Variants in RBM44 observed in about 807,000 individuals in gnomAD.
RBM44 encodes the protein RNA binding motif protein 44, also known as RNA-binding protein 44.
Under a neutral mutation model 105.1 loss-of-function variants are expected in RBM44, and 66 were observed. The observed-to-expected ratio is 0.63, with a 90% CI of 0.52 to 0.77. RBM44 has a LOEUF of 0.77. Among genes scored for constraint, RBM44 ranks in the 30% least tolerant of loss-of-function variants. The probability of loss-of-function intolerance (pLI) is 0.00; values close to 1 mark genes in which losing one functional copy is unlikely to be tolerated. For synonymous variants in RBM44, 365 were observed against 417.6 expected, an observed-to-expected ratio of 0.87 and a Z score of 1.54; for missense variants, 1,122 against 1,207.8, an observed-to-expected ratio of 0.93 and a Z score of 1.05.
At chr2:237,836,265 A>C (rs2061958551) in intron 15 of RBM44, among the ~76,000 whole-genome samples, 2 of 152,154 alleles carry the variant, frequency 1.3e-5, no homozygotes, top group Non-Finnish European at 1.5e-5. Context: ...GGAACAACAA[A>C]GCCTGGATGA....
At chr2:237,813,549 C>A (rs2061680801) in intron 1 of RBM44, 43 bp from the exon 2 acceptor site, 4 of 1,063,382 alleles carry the variant, frequency 3.8e-6, no homozygotes, top group Admixed American at 4.1e-5. Context: ...TCAATTTATG[C>A]TTTTTAAGTA....
At chr2:237,833,244 T>C (rs902809404) in intron 13 of RBM44, among the ~76,000 whole-genome samples, 2 of 152,198 alleles carry the variant, frequency 1.3e-5, no homozygotes, top group African/African-American at 2.4e-5. Flanking sequence ...AAGTGAAAGA[T>C]ACAATGTTCT....
At chr2:237,828,161 T>C (rs780429022) in intron 12 of RBM44, among the ~76,000 whole-genome samples, 1 of 152,186 alleles carries the variant, frequency 6.6e-6, no homozygotes, top group East Asian at 1.9e-4. Flanking sequence ...TTTGTGACAT[T>C]GCCAGATCAT....
intron 7 of RBM44, 125 bp downstream of exon 7, chr2:237,821,493 C>T (rs2061789516): frequency 4.8e-6 from 4 of 832,486 alleles, no homozygotes; most frequent in Non-Finnish European, 7.6e-6. Context: ...AAGTGTTTAT[C>T]TTTTTTCTTG....
Position 237,817,229 on chromosome 2 carries a change from G to T in RBM44, c.310G>T (p.Asp104Tyr). 2 of 1,604,536 alleles carry T rather than the reference G, an allele frequency of 1.2e-6. No individual in the cohort carries two copies. The highest frequency in any genetic ancestry group is 1.1e-5 in the South Asian group (1 of 89,914). The part of the protein sequence containing the change: ...FQSSELEDST[D>Y]YAFLNKTYSI... ...GTCAAGTGAACTTGAAGACAGTACT[G>T]ACTATGCTTTCTTGAATAAAACATA... The change falls in exon 3 of 16, where the codon GAC becomes TAC. Residue 104 changes from aspartate to tyrosine, a missense_variant. Around this residue, in one of 3 missense-constraint regions of RBM44, gnomAD observed 918 missense variants for 955.3 expected, o/e 0.96. Transcript: ENST00000316997.
rs2061772348 is a variant in RBM44 at position 237,820,371 on chromosome 2, C to G, written c.1913+20C>G. 1.4e-6 allele frequency: 2 copies of G among 1,446,680 alleles called. No individual in the cohort carries two copies. Among genetic ancestry groups the G allele is most frequent in the South Asian group, 2.6e-5 (2 of 77,262 alleles). The allele number at this position is 1,446,680 out of a possible 1,614,324, so 89.6% of individuals were successfully genotyped here. A position where few individuals can be genotyped will look rare whatever the true frequency, so the allele number is the denominator to read the frequency against. The stretch of plus-strand genomic sequence containing the variant: ...AAATATGTGTTTATTAATTTCAAAT[C>G]TGTTTTTTCTTAGAAATGTGTCACT... On this transcript the variant is annotated intron_variant, in intron 5 of 15. Transcript: ENST00000316997.
chr2:237,826,648 G>A (rs1040848310), intron 10 of RBM44, among the ~76,000 whole-genome samples: 30 of 152,148 alleles, frequency 2.0e-4, no homozygotes, highest in African/African-American at 7.2e-4. Flanking sequence ...AAGATCCTGT[G>A]TGTGTCCACT....
rs1365907059 is a variant in RBM44 at position 237,803,083 on chromosome 2, A to G, written c.-19+4222A>G. Among the ~76,000 whole-genome samples, 1 of 152,222 alleles carries G rather than the reference A, an allele frequency of 6.6e-6. No homozygotes were observed. The highest frequency in any genetic ancestry group is 1.5e-5 in the Non-Finnish European group (1 of 68,034). ...GGAGTTCAAGACCAACCTGGCCAAC[A>G]TGGTGAAACCCCATCTGTACTAAAA... On this transcript the variant is annotated intron_variant, in intron 1 of 15. Coordinates refer to ENST00000316997, the MANE Select transcript of RBM44 (RefSeq NM_001080504.3). The surrounding 1 kb of genome is among the most constrained non-coding windows in gnomAD (Gnocchi z 4.2).
In RBM44 at chr2:237,803,468, A is replaced by G. The variant is rs2061568023; in HGVS notation, c.-19+4607A>G. On this transcript the variant is annotated intron_variant, in intron 1 of 15. Transcript: ENST00000316997. This position sits in a 1 kb window ranked among gnomAD's most constrained non-coding sequence, Gnocchi z 4.2. ...GACTAATGATGTTGAGCATGTTTTC[A>G]TACCTATAAGCAATTTAAAAAATCT... Among the ~76,000 whole-genome samples the G allele has an allele frequency of 6.6e-6, 1 of 152,208 alleles. No individual in the cohort carries two copies. Among genetic ancestry groups the G allele is most frequent in the Non-Finnish European group, 1.5e-5 (1 of 68,030 alleles).
At position 237,818,413 on chromosome 2, in the gene RBM44, G is replaced by A. The variant is rs747820903; in HGVS notation, c.1494G>A (p.Glu498=). The A allele has an allele frequency of 6.4e-7, 1 of 1,573,388 alleles. No individual in the cohort carries two copies. The highest frequency in any genetic ancestry group is 8.7e-7 in the Non-Finnish European group (1 of 1,154,900). The change falls in exon 3 of 16, where the codon GAG becomes GAA. Residue 498 remains glutamate (E), a synonymous_variant. Coordinates refer to ENST00000316997, the MANE Select transcript of RBM44 (RefSeq NM_001080504.3). The surrounding 1 kb of genome is among the most constrained non-coding windows in gnomAD (Gnocchi z 4.6). ...TAGTATCTACATCAAGCAACACAGA[G>A]ATAACAATGATGAATAAAAAACGAC... ...PSVVSTSSNT[E]ITMMNKKRPD...
Position 237,823,529 on chromosome 2 carries a change from T to C in RBM44, c.2295T>C (p.Phe765=), listed in dbSNP as rs1221361224. ...AAAATGGTGATATAAATGCAGACTTTAGTCAACTGAAACTTGGTGATAAAG... is the reference window on the plus strand; with the variant it reads ...AAAATGGTGATATAAATGCAGACTTCAGTCAACTGAAACTTGGTGATAAAG... ...DFKNGDINAD[F]SQLKLGDKDC... Residue 765 remains phenylalanine (F), a synonymous_variant, in exon 9 of 16, where the codon TTT becomes TTC. Coordinates refer to ENST00000316997, the MANE Select transcript of RBM44 (RefSeq NM_001080504.3). 13 of 1,515,136 alleles carry C rather than the reference T, an allele frequency of 8.6e-6. No homozygotes were observed. In the African/African-American group the frequency reaches 1.2e-4, roughly 14 times the overall value. 93.9% of individuals were successfully genotyped at this position (1,515,136 alleles called of 1,614,324 possible).
intron 2 of RBM44, 52 bp from the exon 3 acceptor site, chr2:237,816,941 T>A: frequency 8.9e-7 from 1 of 1,117,366 alleles, no homozygotes; most frequent in Non-Finnish European, 1.2e-6. Context: ...GTTTTTCTAG[T>A]GTCTAGATTC....
rs772798451 is a variant in RBM44 at position 237,821,164 on chromosome 2, A to G, written c.2007A>G (p.Glu669=). Reference sequence around the variant, plus strand: ...AAGTTAGATATGTGACTTTGAAAGAAAAAATACACAAAGGCATACCACTGG... The same window carrying G: ...AAGTTAGATATGTGACTTTGAAAGAGAAAATACACAAAGGCATACCACTGG... The part of the protein sequence containing the change: ...DLKVRYVTLK[E]KIHKGIPLEE... The change falls in exon 6 of 16, where the codon GAA becomes GAG. Residue 669 remains glutamate, a synonymous_variant. Transcript: ENST00000316997. 5.6e-6 allele frequency: 9 copies of G among 1,611,426 alleles called. No homozygotes were observed. In the African/African-American group the frequency reaches 6.7e-5, roughly 12 times the overall value.
intron 1 of RBM44, among the ~76,000 whole-genome samples, chr2:237,811,890 T>C (rs2061662315): frequency 6.6e-6 from 1 of 152,202 alleles, no homozygotes; most frequent in South Asian, 2.1e-4. Context: ...AGTCTCGCGC[T>C]GTCACCCAGG....
intron 1 of RBM44, among the ~76,000 whole-genome samples, chr2:237,813,168 A>C (rs1239921451): frequency 6.6e-6 from 1 of 152,134 alleles, no homozygotes; most frequent in Non-Finnish European, 1.5e-5. Flanking sequence ...TACTTTCTCT[A>C]TATACATTTT....
At chr2:237,807,848 T>C (rs1031765354) in intron 1 of RBM44, among the ~76,000 whole-genome samples, 3 of 152,216 alleles carry the variant, frequency 2.0e-5, no homozygotes, top group African/African-American at 7.2e-5. Context: ...AGATTCCAGA[T>C]TACTAATTCC....
At chr2:237,822,517 TA>T (rs2061803773) in intron 8 of RBM44, among the ~76,000 whole-genome samples, 1 of 152,108 alleles carries the variant, frequency 6.6e-6, no homozygotes, top group Non-Finnish European at 1.5e-5. Flanking sequence ...TTTATTTGAG[TA>T]ATATTAATCC....
chr2:237,817,353 T>G lies in RBM44; in HGVS notation c.434T>G (p.Phe145Cys). 2 of 1,601,192 alleles carry G rather than the reference T, an allele frequency of 1.2e-6. No homozygotes were observed. Among genetic ancestry groups the G allele is most frequent in the Non-Finnish European group, 1.7e-6 (2 of 1,174,848 alleles). ...GTGCAGAAAAAAGAGGAGGTTTTTTTTAATATTTTGGAACATCAAGATAAG... is the reference window on the plus strand; with the variant it reads ...GTGCAGAAAAAAGAGGAGGTTTTTTGTAATATTTTGGAACATCAAGATAAG... ...PEVQKKEEVF[F>C]NILEHQDKTV... is the part of the protein sequence containing the mutation. Residue 145 changes from phenylalanine (F) to cysteine (C), a missense_variant, in exon 3 of 16, where the codon TTT becomes TGT. By Grantham distance (205) the Phe-to-Cys change is radical (BLOSUM62 -2). This residue lies in a region of RBM44 where 918 missense variants were observed against 955.3 expected (regional missense o/e 0.96). Coordinates refer to ENST00000316997, the MANE Select transcript of RBM44 (RefSeq NM_001080504.3).
intron 1 of RBM44, among the ~76,000 whole-genome samples, chr2:237,802,967 T>C (rs2061560525): frequency 6.6e-6 from 1 of 152,186 alleles, no homozygotes; most frequent in Admixed American, 6.5e-5. Context: ...GTGTTAGCAC[T>C]CTTTTAAAAG....
Sources: allele counts gnomAD v4.1 joint callset (sites outside exome capture counted in the v4.1 genomes callset), GRCh38; gene constraint gnomAD v4.1.1; regional missense constraint gnomAD v4.1.1; non-coding constraint Gnocchi (gnomAD v3.1); transcripts MANE v1.5; gene names NCBI Gene and HGNC (gene_info 2026-07-23, HGNC 2026-07-21).